Variants in BANK1 observed in about 807,000 individuals in gnomAD.
BANK1 encodes the protein B-cell scaffold protein with ankyrin repeats.
BANK1 carries 95 observed loss-of-function variants against 94.5 expected under a neutral mutation model. The ratio of observed to expected loss-of-function variants is 1.00; its 90% CI spans 0.85 to 1.19. The LOEUF is 1.19. Ranked by LOEUF, BANK1 falls within the 50% of genes most tolerant of loss-of-function variation. BANK1 has a pLI of 0.00. For synonymous variants in BANK1, 334 were observed against 308.4 expected, an observed-to-expected ratio of 1.08 and a Z score of -0.87; for missense variants, 987 against 932.2, an observed-to-expected ratio of 1.06 and a Z score of -0.77.
At chr4:101,894,293 C>G (rs1237851058) in intron 5 of BANK1, among the ~76,000 whole-genome samples, 1 of 151,976 alleles carries the variant, frequency 6.6e-6, no homozygotes, top group Non-Finnish European at 1.5e-5. Context: ...TTACTAGATG[C>G]TTATGAATGC....
chr4:102,039,199 G>A (rs1727625308), intron 10 of BANK1, among the ~76,000 whole-genome samples: 1 of 152,104 alleles, frequency 6.6e-6, no homozygotes, highest in Non-Finnish European at 1.5e-5. Flanking sequence ...GTGGCTGTCT[G>A]TGTCCACACC....
chr4:101,984,960 A>T (rs998239871), intron 7 of BANK1, among the ~76,000 whole-genome samples: 1 of 152,134 alleles, frequency 6.6e-6, no homozygotes, highest in African/African-American at 2.4e-5. Flanking sequence ...AACCATGTAT[A>T]CAATCTGTAT....
At chr4:101,867,493 T>C (rs1728118495) in intron 4 of BANK1, among the ~76,000 whole-genome samples, 1 of 151,880 alleles carries the variant, frequency 6.6e-6, no homozygotes, top group South Asian at 2.1e-4. Flanking sequence ...AATAAATGAA[T>C]GAAGGTAAAA....
chr4:101,972,083 T>A (rs1724977324), intron 7 of BANK1, among the ~76,000 whole-genome samples: 1 of 152,124 alleles, frequency 6.6e-6, no homozygotes, highest in Admixed American at 6.6e-5. Flanking sequence ...AGTATGGACA[T>A]TTTAACAATA....
intron 1 of BANK1, among the ~76,000 whole-genome samples, chr4:101,827,222 A>G (rs1726400963): frequency 6.6e-6 from 1 of 151,970 alleles, no homozygotes; most frequent in Non-Finnish European, 1.5e-5. Context: ...TATTTTAGGT[A>G]GATAGGCATG....
chr4:101,934,871 T>G (rs979324754), intron 7 of BANK1, among the ~76,000 whole-genome samples: 1 of 151,526 alleles, frequency 6.6e-6, no homozygotes, highest in Non-Finnish European at 1.5e-5. Context: ...ACACTTATTT[T>G]ATGAGCCGTG....
At position 102,023,528 on chromosome 4, in the gene BANK1, CTG is replaced by C. The variant is rs1282093185; in HGVS notation, c.1286-1666_1286-1665del. 2.6e-5 allele frequency among the ~76,000 whole-genome samples: 4 copies of C among 152,092 alleles called. No homozygotes were observed. The East Asian group carries it at 7.7e-4, about 29-fold the overall frequency. Reference sequence around the variant, plus strand: ...ACTACAAACTCTCTTGTATATGAAACTGTGTGTGACTGGGCTCAAGCCAGTCT... The same window carrying C: ...ACTACAAACTCTCTTGTATATGAAACTGTGTGACTGGGCTCAAGCCAGTCT... On this transcript the variant is annotated intron_variant, in intron 8 of 16. Transcript: ENST00000322953.
At chr4:102,073,912 A>G in intron 16 of BANK1, 93 bp from the exon 17 acceptor site, 1 of 538,992 alleles carries the variant, frequency 1.9e-6, no homozygotes, top group Non-Finnish European at 3.2e-6. Flanking sequence ...CTCTGTAGAA[A>G]GATTTATGTA....
chr4:101,932,049 A>T (rs1416915477), intron 7 of BANK1, among the ~76,000 whole-genome samples: 1 of 151,514 alleles, frequency 6.6e-6, no homozygotes, highest in Non-Finnish European at 1.5e-5. Context: ...ACTTCCTAGG[A>T]AGTATTTTAA....
At chr4:102,052,695 T>A (rs997772845) in intron 11 of BANK1, among the ~76,000 whole-genome samples, 9 of 152,166 alleles carry the variant, frequency 5.9e-5, no homozygotes, top group Non-Finnish European at 1.2e-4. Context: ...ATATTTTAAC[T>A]TTTTCAGAAG....
intron 1 of BANK1, among the ~76,000 whole-genome samples, chr4:101,817,701 A>C (rs1725969275): frequency 1.3e-5 from 1 of 74,486 alleles, no homozygotes; most frequent in South Asian, 3.1e-4. Flanking sequence ...GTTGGAAATA[A>C]AAAAAATTGT....
intron 11 of BANK1, among the ~76,000 whole-genome samples, chr4:102,053,894 T>C (rs896321458): frequency 2.0e-5 from 3 of 151,744 alleles, no homozygotes; most frequent in Non-Finnish European, 4.4e-5. Context: ...TAAAAAAAGA[T>C]AAAAAATCTG....
chr4:101,850,215 A>T (rs1196547376), intron 2 of BANK1, among the ~76,000 whole-genome samples: 2 of 152,020 alleles, frequency 1.3e-5, no homozygotes. Flanking sequence ...GCATACCTTG[A>T]TTTGTTCTGC....
chr4:101,999,412 T>G (rs1725988233), intron 7 of BANK1, among the ~76,000 whole-genome samples: 1 of 152,218 alleles, frequency 6.6e-6, no homozygotes, highest in Non-Finnish European at 1.5e-5. Flanking sequence ...GAGGTCTCCT[T>G]GTTTCAAAGA....
chr4:102,038,243 C>T (rs1330870069), intron 10 of BANK1, among the ~76,000 whole-genome samples: 1 of 152,128 alleles, frequency 6.6e-6, no homozygotes, highest in Non-Finnish European at 1.5e-5. Flanking sequence ...CCCAATGCTA[C>T]TTCTTGGGAC....
At chr4:101,948,457 A>G (rs976436226) in intron 7 of BANK1, among the ~76,000 whole-genome samples, 2 of 152,142 alleles carry the variant, frequency 1.3e-5, no homozygotes, top group East Asian at 1.9e-4. Flanking sequence ...TTTAGATTTT[A>G]TCTTCTTTAC....
intron 2 of BANK1, among the ~76,000 whole-genome samples, chr4:101,837,670 GT>G (rs776269483): frequency 8.6e-5 from 13 of 151,836 alleles, no homozygotes; most frequent in African/African-American, 3.1e-4. Flanking sequence ...CTTTCATTTT[GT>G]TTTTTAAAAT....
intron 7 of BANK1, among the ~76,000 whole-genome samples, chr4:102,008,014 C>A (rs190719122): frequency 8.5e-5 from 13 of 152,222 alleles, no homozygotes; most frequent in African/African-American, 2.9e-4. Flanking sequence ...AAACTGTAGT[C>A]AAATATGATT....
intron 7 of BANK1, among the ~76,000 whole-genome samples, chr4:101,958,982 G>A (rs920036840): frequency 4.6e-5 from 7 of 152,238 alleles, no homozygotes; most frequent in Admixed American, 2.6e-4. Context: ...CTTGCGGATG[G>A]TCCTGTAAAA....
Sources: gnomAD v4.1 joint callset for allele counts (sites outside exome capture counted in the v4.1 genomes callset) on GRCh38, gnomAD v4.1.1 for gene constraint, MANE v1.5 for transcripts, NCBI Gene and HGNC (gene_info 2026-07-23, HGNC 2026-07-21) for gene names.